The following THSD4 variants were observed in gnomAD, a reference collection of about 807,000 sequenced individuals.
THSD4 encodes thrombospondin type-1 domain-containing protein 4.
THSD4 carries 69 observed loss-of-function variants against 119.0 expected under a neutral mutation model. The observed-to-expected ratio is 0.58, with a 90% CI of 0.48 to 0.71. The LOEUF (loss-of-function observed/expected upper bound fraction) is 0.71. Ranked by LOEUF, THSD4 falls within the 30% of genes least tolerant of loss-of-function variation. The probability of loss-of-function intolerance (pLI) is 0.00; values close to 1 mark genes in which losing one functional copy is unlikely to be tolerated. For synonymous variants in THSD4, 524 were observed against 540.4 expected (o/e 0.97, Z 0.42); for missense variants, 1,393 against 1,391.1 (o/e 1.00, Z -0.02).
intron 6 of THSD4, among the ~76,000 whole-genome samples, chr15:71,295,953 A>T (rs2044856380): frequency 6.6e-6 from 1 of 152,198 alleles, no homozygotes. Flanking sequence ...TTAATATAAC[A>T]TACTTGAGGT....
intron 7 of THSD4, among the ~76,000 whole-genome samples, chr15:71,588,107 C>G (rs1369616747): frequency 6.6e-6 from 1 of 151,812 alleles, no homozygotes; most frequent in African/African-American, 2.4e-5. Flanking sequence ...GAGATCGAGA[C>G]CATCCTGGCT....
chr15:71,357,187 C>T (rs1008343767), intron 6 of THSD4, among the ~76,000 whole-genome samples: 1 of 152,228 alleles, frequency 6.6e-6, no homozygotes, highest in African/African-American at 2.4e-5. Flanking sequence ...TCTTGCCTTG[C>T]ATCCTAGCTG....
chr15:71,575,429 T>C (rs1460501815), intron 7 of THSD4, among the ~76,000 whole-genome samples: 1 of 152,216 alleles, frequency 6.6e-6, no homozygotes, highest in African/African-American at 2.4e-5. Flanking sequence ...AATTGCATAC[T>C]TTGTAAGTTG....
At chr15:71,678,797 C>T (rs977690289) in intron 8 of THSD4, among the ~76,000 whole-genome samples, 2 of 152,180 alleles carry the variant, frequency 1.3e-5, no homozygotes, top group African/African-American at 4.8e-5. Context: ...GGGAAAGACT[C>T]ACTCCTTCTG....
chr15:71,250,276 G>A lies in THSD4; in HGVS notation c.913-6337G>A, dbSNP rs187253087. ...GGGGAAGGAAGCCAGTCTTATTAAT[G>A]TGGTACCGGAAATAGCCACTAAGAA... On this transcript the variant is annotated intron_variant, in intron 5 of 17. Coordinates refer to ENST00000261862, the MANE Select transcript of THSD4 (RefSeq NM_024817.3). Among the ~76,000 whole-genome samples, 157 of 152,316 alleles carry A rather than the reference G, an allele frequency of 1.0e-3. 1 individual carries two copies. Among genetic ancestry groups the A allele is most frequent in the South Asian group, 5.6e-3 (27 of 4,826 alleles).
Position 71,243,013 on chromosome 15 carries a change from A to G in THSD4, c.829A>G (p.Thr277Ala). 6.2e-7 allele frequency: 1 copy of G among 1,614,028 alleles called. No individual in the cohort carries two copies. The highest frequency in any genetic ancestry group is 8.5e-7 in the Non-Finnish European group (1 of 1,179,998). Residue 277 changes from threonine (T) to alanine (A), a missense_variant, in exon 5 of 18, where the codon ACT becomes GCT. Coordinates refer to ENST00000261862, the MANE Select transcript of THSD4 (RefSeq NM_024817.3). ...NNHGVGTHGA[T>A]QSFSQPARST... ...CCACGGTGTGGGGACCCATGGGGCA[A>G]CTCAGAGCTTCTCTCAGCCTGCCCG...
At chr15:71,153,800 C>G (rs1235473213) in intron 2 of THSD4, among the ~76,000 whole-genome samples, 1 of 152,156 alleles carries the variant, frequency 6.6e-6, no homozygotes, top group African/African-American at 2.4e-5. Context: ...TACGATTTGA[C>G]AAATGGTCAA....
chr15:71,595,755 C>G (rs966653260), intron 7 of THSD4, among the ~76,000 whole-genome samples: 1 of 152,182 alleles, frequency 6.6e-6, no homozygotes, highest in Non-Finnish European at 1.5e-5. Context: ...AACTCCATCA[C>G]CCCAAGATCT....
At chr15:71,157,900 G>A (rs977553642) in intron 3 of THSD4, among the ~76,000 whole-genome samples, 4 of 151,614 alleles carry the variant, frequency 2.6e-5, no homozygotes, top group African/African-American at 9.7e-5. Flanking sequence ...GGACAGTTGG[G>A]CTGAATACAT....
At chr15:71,547,682 G>T in intron 7 of THSD4, 1 of 629,490 alleles carries the variant, frequency 1.6e-6, no homozygotes, top group Non-Finnish European at 2.4e-6. Context: ...TTTCTAAAAT[G>T]TCATTTTGAA....
chr15:71,237,645 A>G (rs1263556230), intron 4 of THSD4, among the ~76,000 whole-genome samples: 3 of 152,254 alleles, frequency 2.0e-5, no homozygotes, highest in African/African-American at 4.8e-5. Context: ...ACTTATGTGC[A>G]CTTTTCAGGC....
intron 10 of THSD4, chr15:71,731,553 T>TC (rs1188374889): frequency 3.7e-6 from 1 of 273,296 alleles, no homozygotes; most frequent in Non-Finnish European, 7.3e-6. Flanking sequence ...CCGACGCAGG[T>TC]GGATCGCTTG....
In THSD4 at chr15:71,435,399, T is replaced by C. The variant is rs546955405; in HGVS notation, c.1152+23576T>C. Among the ~76,000 whole-genome samples, 5 of 152,312 alleles carry C rather than the reference T, an allele frequency of 3.3e-5. No homozygotes were observed. In the South Asian group the frequency reaches 8.3e-4, roughly 25 times the overall value. On this transcript the variant is annotated intron_variant, in intron 7 of 17. Transcript: ENST00000261862. ...TTTTAAAAATCTTGCCAAGGGAGTT[T>C]TTAGGCTATCTTTCTTTTGTTTCTT...
intron 8 of THSD4, among the ~76,000 whole-genome samples, chr15:71,680,128 G>T (rs1411961726): frequency 6.6e-6 from 1 of 152,168 alleles, no homozygotes; most frequent in East Asian, 1.9e-4. Context: ...GGAAATTTAG[G>T]TAATCAGTCC....
chr15:71,138,410 G>A (rs1224147273), intron 1 of THSD4, among the ~76,000 whole-genome samples: 1 of 152,100 alleles, frequency 6.6e-6, no homozygotes, highest in East Asian at 1.9e-4. Flanking sequence ...GATTTGGGTG[G>A]AGACACAGAA....
Position 71,150,439 on chromosome 15 carries a change from A to G in THSD4, c.30-4424A>G, listed in dbSNP as rs1457945218. Among the ~76,000 whole-genome samples the G allele has an allele frequency of 2.0e-5, 3 of 152,198 alleles. No individual in the cohort carries two copies. In the East Asian group the frequency reaches 5.8e-4, roughly 29 times the overall value. On this transcript the variant is annotated intron_variant, in intron 2 of 17. Coordinates refer to ENST00000261862, the MANE Select transcript of THSD4 (RefSeq NM_024817.3). Reference sequence around the variant, plus strand: ...AGAGTTTCCTCTGGCCCCTGGGGTTATATATTGCTGTGCCTGCTGTTATTG... The same window carrying G: ...AGAGTTTCCTCTGGCCCCTGGGGTTGTATATTGCTGTGCCTGCTGTTATTG...
intron 6 of THSD4, among the ~76,000 whole-genome samples, chr15:71,284,464 A>G (rs545281602): frequency 6.6e-6 from 1 of 152,332 alleles, no homozygotes; most frequent in South Asian, 2.1e-4. Flanking sequence ...TTTCAGGCAT[A>G]GGAATTACAT....
intron 7 of THSD4, among the ~76,000 whole-genome samples, chr15:71,475,911 A>C (rs189216807): frequency 4.7e-4 from 72 of 152,184 alleles, no homozygotes; most frequent in Non-Finnish European, 6.8e-4. Flanking sequence ...CTGGGTGACA[A>C]AGTGAGACCC....
At chr15:71,164,640 G>T (rs1340189630) in intron 3 of THSD4, 3 of 1,415,050 alleles carry the variant, frequency 2.1e-6, no homozygotes, top group Non-Finnish European at 2.8e-6. Flanking sequence ...TACAAAAAAA[G>T]ACACTGTACA....
Sources: gnomAD v4.1 joint callset for allele counts (sites outside exome capture counted in the v4.1 genomes callset) on GRCh38, gnomAD v4.1.1 for gene constraint, MANE v1.5 for transcripts, NCBI Gene and HGNC (gene_info 2026-07-23, HGNC 2026-07-21) for gene names.